Variants in DNAH11 observed in about 807,000 individuals in gnomAD.
The protein encoded by DNAH11 is dynein axonemal heavy chain 11, also known as axonemal beta dynein heavy chain 11.
A neutral mutation model predicts 526.0 loss-of-function variants in DNAH11; 442 were observed. The observed-to-expected ratio is 0.84, with a 90% CI of 0.78 to 0.91. DNAH11 has a LOEUF of 0.91. Ranked by LOEUF, DNAH11 falls within the 40% of genes least tolerant of loss-of-function variation. The probability of loss-of-function intolerance (pLI) is 0.00; values close to 1 mark genes in which losing one functional copy is unlikely to be tolerated. For missense variants in DNAH11, 6,989 were observed against 5,448.7 expected, an observed-to-expected ratio of 1.28 and a Z score of -8.90; for synonymous variants, 2,461 against 1,935.9, an observed-to-expected ratio of 1.27 and a Z score of -7.12.
intron 63 of DNAH11, among the ~76,000 whole-genome samples, chr7:21,811,705 G>C (rs1431373000): frequency 6.6e-6 from 1 of 152,106 alleles, no homozygotes; most frequent in Non-Finnish European, 1.5e-5. Flanking sequence ...ACTTAGAATG[G>C]TTAAAATGAC....
At chr7:21,847,528 T>C (rs1782462869) in intron 66 of DNAH11, among the ~76,000 whole-genome samples, 1 of 152,246 alleles carries the variant, frequency 6.6e-6, no homozygotes, top group Admixed American at 6.5e-5. Flanking sequence ...CGTAATTTTG[T>C]TGTGGTCTGG....
rs1364938735 is a variant in DNAH11, at chr7:21,826,450, T to C, written c.10691+8111T>C. On this transcript the variant is annotated intron_variant, in intron 65 of 81. Transcript: ENST00000409508. ...GAAAATTAAGGGGAAAATGTTGCTATGTATTCATTTAATAATAGAGCTACT... is the reference window on the plus strand; with the variant it reads ...GAAAATTAAGGGGAAAATGTTGCTACGTATTCATTTAATAATAGAGCTACT... Among the ~76,000 whole-genome samples the C allele has an allele frequency of 2.6e-5, 4 of 152,328 alleles. No homozygotes were observed. In the South Asian group the frequency reaches 6.2e-4, roughly 24 times the overall value.
chr7:21,846,573 G>A (rs964089685), intron 66 of DNAH11, among the ~76,000 whole-genome samples: 1 of 152,050 alleles, frequency 6.6e-6, no homozygotes, highest in Non-Finnish European at 1.5e-5. Flanking sequence ...TGGTCGTGGT[G>A]TTTAATTATT....
chr7:21,624,242 A>G (rs1786221426), intron 25 of DNAH11, among the ~76,000 whole-genome samples: 1 of 152,122 alleles, frequency 6.6e-6, no homozygotes, highest in Admixed American at 6.6e-5. Flanking sequence ...ACATTTTTTC[A>G]TCAATGTTTT....
chr7:21,697,093 A>G (rs1161588128), intron 35 of DNAH11, among the ~76,000 whole-genome samples: 1 of 152,182 alleles, frequency 6.6e-6, no homozygotes, highest in Non-Finnish European at 1.5e-5. Flanking sequence ...AAAATCAGGT[A>G]TGCATGAAGT....
At chr7:21,881,297 T>C (rs1166143114) in intron 75 of DNAH11, among the ~76,000 whole-genome samples, 2 of 152,244 alleles carry the variant, frequency 1.3e-5, no homozygotes, top group Non-Finnish European at 2.9e-5. Flanking sequence ...GTTCTGATGA[T>C]GGAAGCAATT....
intron 35 of DNAH11, among the ~76,000 whole-genome samples, chr7:21,696,779 C>T (rs929176514): frequency 3.3e-5 from 5 of 152,132 alleles, no homozygotes; most frequent in African/African-American, 1.2e-4. Context: ...ATCAGTCTGC[C>T]TCTCTGTAAA....
chr7:21,725,617 A>G (rs1785066852), intron 44 of DNAH11, among the ~76,000 whole-genome samples, 194 bp from the exon 45 acceptor site: 1 of 152,224 alleles, frequency 6.6e-6, no homozygotes, highest in South Asian at 2.1e-4. Flanking sequence ...TAGATTGAAT[A>G]ACGAACAGGT....
At chr7:21,826,679 T>C (rs1790313307) in intron 65 of DNAH11, among the ~76,000 whole-genome samples, 1 of 152,078 alleles carries the variant, frequency 6.6e-6, no homozygotes, top group South Asian at 2.1e-4. Context: ...AGACAAGAGA[T>C]AGCATTGAAA....
intron 69 of DNAH11, 30 bp downstream of exon 69, chr7:21,862,053 C>A (rs1371739096): frequency 6.3e-7 from 1 of 1,585,612 alleles, no homozygotes; most frequent in Non-Finnish European, 8.6e-7. Context: ...GAAAAAGGAT[C>A]CCCAGAACCA....
intron 68 of DNAH11, among the ~76,000 whole-genome samples, chr7:21,856,517 A>C (rs1412885424): frequency 6.6e-6 from 1 of 152,192 alleles, no homozygotes; most frequent in Non-Finnish European, 1.5e-5. Context: ...AACTACACTA[A>C]GGCATTACAA....
At chr7:21,830,035 T>C (rs931345397) in intron 65 of DNAH11, among the ~76,000 whole-genome samples, 5 of 152,232 alleles carry the variant, frequency 3.3e-5, no homozygotes, top group Admixed American at 6.5e-5. Context: ...ACTAATTTTT[T>C]GGCTGGGTTT....
rs566436192 is a variant in DNAH11, at chr7:21,832,276, C to T, written c.10692-10268C>T. Among the ~76,000 whole-genome samples the T allele has an allele frequency of 1.1e-4, 16 of 152,218 alleles. No homozygotes were observed. In the South Asian group the frequency reaches 2.9e-3, roughly 28 times the overall value. ...TTGATGCAGTTTCTTCATATGTCGA[C>T]GGTCTTTACAATTTGGCATGTTTTT... On this transcript the variant is annotated intron_variant, in intron 65 of 81. Transcript: ENST00000409508.
At chr7:21,611,066 C>T (rs1785503600) in intron 20 of DNAH11, among the ~76,000 whole-genome samples, 1 of 152,150 alleles carries the variant, frequency 6.6e-6, no homozygotes, top group South Asian at 2.1e-4. Flanking sequence ...ACAGGAGAGA[C>T]TGGTTTGTAA....
chr7:21,601,150 G>A lies in DNAH11; in HGVS notation c.3396G>A (p.Gln1132=). ...TIIKKWSWMF[Q]EHLLRFVIDS... Reference sequence around the variant, plus strand: ...TTAAGAAATGGAGCTGGATGTTTCAGGAGCATCTTTTGAGATTTGTCATTG... The same window carrying A: ...TTAAGAAATGGAGCTGGATGTTTCAAGAGCATCTTTTGAGATTTGTCATTG... Residue 1132 remains glutamine, a synonymous_variant, in exon 17 of 82, where the codon CAG becomes CAA. Transcript: ENST00000409508. The A allele has an allele frequency of 1.9e-6, 3 of 1,603,548 alleles. No individual in the cohort carries two copies. The highest frequency in any genetic ancestry group is 2.5e-6 in the Non-Finnish European group (3 of 1,177,738).
Position 21,589,421 on chromosome 7 carries a change from T to C in DNAH11, c.2169+18T>C, listed in dbSNP as rs539702785. ...ACCCAAAGGTAGGGATTTGATTTTT[T>C]AAGATGATTTATAAGTGCCCTTTTT... is the stretch of plus-strand genomic sequence containing the variant. On this transcript the variant is annotated intron_variant, in intron 12 of 81. Transcript: ENST00000409508. The C allele has an allele frequency of 6.3e-7, 1 of 1,579,718 alleles. No homozygotes were observed. The highest frequency in any genetic ancestry group is 1.9e-5 in the Admixed American group (1 of 53,894).
At chr7:21,592,741 A>G (rs9648277) in intron 14 of DNAH11, among the ~76,000 whole-genome samples, 64,758 of 152,090 alleles carry the variant, frequency 0.43, 14,276 homozygotes, top group East Asian at 0.77. Flanking sequence ...TTTTGATGGC[A>G]GAGCCAGCAG....
intron 6 of DNAH11, among the ~76,000 whole-genome samples, chr7:21,566,883 C>T (rs1783692298): frequency 6.6e-6 from 1 of 152,066 alleles, no homozygotes; most frequent in African/African-American, 2.4e-5. Context: ...TACATTTTAT[C>T]ATGCATACAA....
chr7:21,749,650 A>G, intron 52 of DNAH11, 28 bp from the exon 53 acceptor site: 3 of 1,612,982 alleles, frequency 1.9e-6, no homozygotes, highest in African/African-American at 2.7e-5. Context: ...CATTTTAACA[A>G]AACATGAGTG....
Sources: allele counts gnomAD v4.1 joint callset (sites outside exome capture counted in the v4.1 genomes callset), GRCh38; gene constraint gnomAD v4.1.1; transcripts MANE v1.5; gene names NCBI Gene and HGNC (gene_info 2026-07-23, HGNC 2026-07-21).